The following AFG2A variants were observed in gnomAD, a reference collection of about 807,000 sequenced individuals.
AFG2A encodes AAA ATPase AFG2A, also known as ATPase family gene 2 protein homolog A.
the AFG2A span, chr4:123,028,444 C>A: frequency 2.0e-6 from 3 of 1,493,286 alleles, no homozygotes; most frequent in Non-Finnish European, 2.8e-6. Flanking sequence ...CCTCCCCCAA[C>A]CCCCATTCTC....
At chr4:123,015,566 A>C in the AFG2A span, among the ~76,000 whole-genome samples, 2 of 151,084 alleles carry the variant, frequency 1.3e-5, no homozygotes, top group African/African-American at 2.4e-5. Context: ...CAAAATGAAA[A>C]GTCTCCCGTG....
chr4:123,291,791 C>G, the AFG2A span, among the ~76,000 whole-genome samples: 40 of 152,300 alleles, frequency 2.6e-4, no homozygotes, highest in Non-Finnish European at 7.4e-5. Context: ...TGTCTCACTA[C>G]TCTTAGAATT....
chr4:122,934,264 G>T, the AFG2A span: 1 of 1,614,208 alleles, frequency 6.2e-7, no homozygotes, highest in Non-Finnish European at 8.5e-7. Flanking sequence ...GTCCAGCATG[G>T]AAACCAGTAG....
At chr4:122,955,910 G>T in the AFG2A span, among the ~76,000 whole-genome samples, 3 of 152,182 alleles carry the variant, frequency 2.0e-5, no homozygotes, top group African/African-American at 7.2e-5. Flanking sequence ...CGTAGAAATG[G>T]ATTACCTAGG....
At chr4:122,924,815 A>G in the AFG2A span, among the ~76,000 whole-genome samples, 1 of 152,104 alleles carries the variant, frequency 6.6e-6, no homozygotes, top group African/African-American at 2.4e-5. Context: ...TAGGTCACAG[A>G]TCAGCACTTT....
the AFG2A span, chr4:122,979,370 C>A: frequency 1.9e-6 from 3 of 1,613,942 alleles, no homozygotes; most frequent in Admixed American, 3.3e-5. Context: ...AGGGAAATAG[C>A]AATTGATGTC....
chr4:123,232,428 T>C, the AFG2A span, among the ~76,000 whole-genome samples: 2 of 152,020 alleles, frequency 1.3e-5, no homozygotes, highest in Admixed American at 1.3e-4. Flanking sequence ...GTAGTTCATC[T>C]TTTCCAATCC....
chr4:123,029,363 C>T, the AFG2A span, among the ~76,000 whole-genome samples: 57 of 152,242 alleles, frequency 3.7e-4, no homozygotes, highest in African/African-American at 7.2e-4. Context: ...TGAGCGACTG[C>T]GTCTGGCCCA....
chr4:123,119,125 G>GT, the AFG2A span, among the ~76,000 whole-genome samples: 35 of 150,520 alleles, frequency 2.3e-4, no homozygotes, highest in African/African-American at 7.1e-4. Context: ...TCCTATTTAG[G>GT]TTTTTTTTTC....
chr4:123,164,159 A>G, the AFG2A span, among the ~76,000 whole-genome samples: 1 of 152,172 alleles, frequency 6.6e-6, no homozygotes, highest in African/African-American at 2.4e-5. Context: ...TCACCCCAAG[A>G]TCTGCCTTCT....
At chr4:123,220,613 C>CAAAAAAA in the AFG2A span, among the ~76,000 whole-genome samples, 6 of 41,716 alleles carry the variant, frequency 1.4e-4, no homozygotes, top group South Asian at 1.1e-3. Context: ...GACTCCAACT[C>CAAAAAAA]AAAAAAAAAA....
the AFG2A span, among the ~76,000 whole-genome samples, chr4:123,207,864 A>C: frequency 6.6e-6 from 1 of 152,186 alleles, no homozygotes. Flanking sequence ...AACCAAAGTG[A>C]TCTATGGGTT....
chr4:123,038,697 C>G, the AFG2A span, among the ~76,000 whole-genome samples: 250 of 152,210 alleles, frequency 1.6e-3, 1 homozygote, highest in Non-Finnish European at 2.6e-3. Flanking sequence ...TCTAGGGACC[C>G]TGCAGTCTTT....
At chr4:122,944,042 G>T in the AFG2A span, among the ~76,000 whole-genome samples, 1 of 152,198 alleles carries the variant, frequency 6.6e-6, no homozygotes, top group Admixed American at 6.5e-5. Context: ...TGGGTAACCT[G>T]ACCTTTCTCT....
the AFG2A span, among the ~76,000 whole-genome samples, chr4:123,273,291 T>G: frequency 2.0e-5 from 3 of 152,270 alleles, no homozygotes; most frequent in Non-Finnish European, 2.9e-5. Flanking sequence ...TCCCTCTTTT[T>G]AAATAATATA....
the AFG2A span, chr4:123,090,693 T>C: frequency 6.2e-7 from 1 of 1,613,972 alleles, no homozygotes. Flanking sequence ...ACCGTCCAGA[T>C]AGGATAGACA....
chr4:123,310,585 G>T, the AFG2A span, among the ~76,000 whole-genome samples: 1 of 152,108 alleles, frequency 6.6e-6, no homozygotes, highest in Non-Finnish European at 1.5e-5. Flanking sequence ...GGTACACACG[G>T]CATTTACCTT....
At chr4:123,028,485 G>C in the AFG2A span, 8 of 994,418 alleles carry the variant, frequency 8.0e-6, no homozygotes, top group East Asian at 5.0e-5. Context: ...ACGAATAAAG[G>C]CATCTTAAGG....
At chr4:123,104,133 C>A in the AFG2A span, among the ~76,000 whole-genome samples, 1 of 152,002 alleles carries the variant, frequency 6.6e-6, no homozygotes, top group Non-Finnish European at 1.5e-5. Flanking sequence ...TTGTGGTAAC[C>A]CTGCAAGTCC....
Sources: gnomAD v4.1 joint callset for allele counts (sites outside exome capture counted in the v4.1 genomes callset) on GRCh38, gnomAD v4.1.1 for gene constraint, MANE v1.5 for transcripts, NCBI Gene and HGNC (gene_info 2026-07-23, HGNC 2026-07-21) for gene names.